The following FRMPD1 variants were observed in gnomAD, a reference collection of about 807,000 sequenced individuals.
The protein encoded by FRMPD1 is FERM and PDZ domain-containing protein 1.
In FRMPD1, 76 loss-of-function variants were observed where a neutral mutation model predicts 117.8. The ratio of observed to expected loss-of-function variants is 0.65; its 90% confidence interval spans 0.54 to 0.78. The LOEUF (loss-of-function observed/expected upper bound fraction) is 0.78, where lower values mean the gene tolerates loss of function less well. Ranked by LOEUF, FRMPD1 falls within the 30% of genes least tolerant of loss-of-function variation. FRMPD1 has a pLI of 0.00. For missense variants in FRMPD1, 1,786 were observed against 1,964.5 expected (o/e 0.91, Z 1.72); for synonymous variants, 783 against 770.4 (o/e 1.02, Z -0.27).
intron 5 of FRMPD1, among the ~76,000 whole-genome samples, chr9:37,712,066 T>TA (rs1822927959): frequency 6.6e-6 from 1 of 152,138 alleles, no homozygotes; most frequent in Non-Finnish European, 1.5e-5. Context: ...TAGACCAAAA[T>TA]AAAAAAGAGG....
chr9:37,677,393 T>C (rs1821567850), intron 1 of FRMPD1, among the ~76,000 whole-genome samples: 1 of 152,354 alleles, frequency 6.6e-6, no homozygotes, highest in African/African-American at 2.4e-5. Flanking sequence ...AGCAGCTTCA[T>C]ATGGGCTAGA....
intron 1 of FRMPD1, among the ~76,000 whole-genome samples, chr9:37,651,374 G>T (rs1172474919): frequency 3.9e-5 from 6 of 152,238 alleles, no homozygotes; most frequent in Admixed American, 3.3e-4. Context: ...CAACGCGGGA[G>T]GGGGAGAGAC....
At position 37,666,352 on chromosome 9, in the gene FRMPD1, C is replaced by T. The variant is rs138250469; in HGVS notation, c.-5+15258C>T. ...AGTGAAATGTAAATGTCCTTAGTCCCACACTTAAGGCCTTTGGTGATCTGG... is the reference window on the plus strand; with the variant it reads ...AGTGAAATGTAAATGTCCTTAGTCCTACACTTAAGGCCTTTGGTGATCTGG... On this transcript the variant is annotated intron_variant, in intron 1 of 15. Transcript: ENST00000377765. 4.1e-4 allele frequency among the ~76,000 whole-genome samples: 62 copies of T among 152,268 alleles called. No homozygotes were observed. In the East Asian group the frequency reaches 0.011, roughly 27 times the overall value.
the FRMPD1 span, among the ~76,000 whole-genome samples, chr9:37,618,672 A>AG: frequency 6.6e-6 from 1 of 152,110 alleles, no homozygotes; most frequent in Non-Finnish European, 1.5e-5. Flanking sequence ...CCCTGACCAT[A>AG]TACCCTATAT....
At chr9:37,699,272 C>T (rs1458412401) in intron 2 of FRMPD1, among the ~76,000 whole-genome samples, 2 of 151,434 alleles carry the variant, frequency 1.3e-5, no homozygotes, top group Admixed American at 1.3e-4. Context: ...TTTTATTATA[C>T]TATTAAAACA....
intron 12 of FRMPD1, among the ~76,000 whole-genome samples, chr9:37,735,038 G>A (rs1824056803): frequency 6.6e-6 from 1 of 152,218 alleles, no homozygotes; most frequent in Non-Finnish European, 1.5e-5. Context: ...TGCAGACTCT[G>A]TTGTCAAGAA....
chr9:37,738,096 A>G (rs1009544030), intron 14 of FRMPD1, among the ~76,000 whole-genome samples: 1 of 152,198 alleles, frequency 6.6e-6, no homozygotes, highest in Non-Finnish European at 1.5e-5. Flanking sequence ...GCAGAGGGAC[A>G]AAAACAGTTT....
intron 2 of FRMPD1, among the ~76,000 whole-genome samples, chr9:37,696,720 C>T (rs999438503): frequency 6.6e-6 from 1 of 152,168 alleles, no homozygotes; most frequent in Non-Finnish European, 1.5e-5. Flanking sequence ...ATTGAAATGT[C>T]CTCTATAGTG....
chr9:37,745,205 C>T lies in FRMPD1; in HGVS notation c.3173C>T (p.Ser1058Phe), dbSNP rs1311566126. Reference sequence around the variant, plus strand: ...GTCCAGTTGGAAATGGGATTGGAATCTTTTTGTACAAATCATATACAAGAA... The same window carrying T: ...GTCCAGTTGGAAATGGGATTGGAATTTTTTTGTACAAATCATATACAAGAA... ...PHVQLEMGLE[S>F]FCTNHIQETA... is the part of the protein sequence containing the mutation. The change falls in exon 16 of 16, where the codon TCT (serine) becomes TTT (phenylalanine). Residue 1058 changes from serine to phenylalanine, a missense_variant. Coordinates refer to ENST00000377765, the MANE Select transcript of FRMPD1 (RefSeq NM_014907.3). 1 of 1,613,498 alleles carries T rather than the reference C, an allele frequency of 6.2e-7. No homozygotes were observed. The highest frequency in any genetic ancestry group is 2.2e-5 in the East Asian group (1 of 44,894).
At chr9:37,687,465 A>G (rs1821989864) in intron 1 of FRMPD1, among the ~76,000 whole-genome samples, 1 of 152,240 alleles carries the variant, frequency 6.6e-6, no homozygotes, top group Admixed American at 6.5e-5. Flanking sequence ...GACCAAGTTA[A>G]TATCAATATC....
In FRMPD1 at chr9:37,731,138, T is replaced by C. The variant is rs1028256435; in HGVS notation, c.858+35T>C. 14 of 1,605,958 alleles carry C rather than the reference T, an allele frequency of 8.7e-6. No individual in the cohort carries two copies. The East Asian group carries it at 2.9e-4, about 33-fold the overall frequency. On this transcript the variant is annotated intron_variant, in intron 9 of 15. Coordinates refer to ENST00000377765, the MANE Select transcript of FRMPD1 (RefSeq NM_014907.3). ...TCTGTGCTTCCTAAAATAACAGTGGTTGTTCTCAAAGATGGTGCACTGGGT... is the reference window on the plus strand; with the variant it reads ...TCTGTGCTTCCTAAAATAACAGTGGCTGTTCTCAAAGATGGTGCACTGGGT...
chr9:37,739,578 C>T (rs1041999689), intron 14 of FRMPD1, among the ~76,000 whole-genome samples: 16 of 152,248 alleles, frequency 1.1e-4, no homozygotes, highest in Non-Finnish European at 2.1e-4. Flanking sequence ...CTAGCAGCCT[C>T]GTACTCGTCA....
intron 1 of FRMPD1, among the ~76,000 whole-genome samples, chr9:37,685,988 C>T (rs570943727): frequency 1.3e-5 from 2 of 152,320 alleles, no homozygotes; most frequent in South Asian, 2.1e-4. Flanking sequence ...AAATAGCTAT[C>T]ACCTTGACAT....
chr9:37,743,310 G>T (rs1824509284), intron 15 of FRMPD1, among the ~76,000 whole-genome samples: 1 of 152,100 alleles, frequency 6.6e-6, no homozygotes, highest in South Asian at 2.1e-4. Flanking sequence ...CCTTTAACCT[G>T]CACGGCAGCA....
intron 2 of FRMPD1, among the ~76,000 whole-genome samples, chr9:37,698,604 C>CAGGCTGG (rs1000107614): frequency 7.6e-6 from 1 of 132,124 alleles, no homozygotes; most frequent in Non-Finnish European, 1.5e-5. Flanking sequence ...CTCTGTTGCC[C>CAGGCTGG]AGGCTGGAGT....
At chr9:37,630,408 G>T in the FRMPD1 span, among the ~76,000 whole-genome samples, 1 of 151,986 alleles carries the variant, frequency 6.6e-6, no homozygotes, top group East Asian at 1.9e-4. Context: ...ATGAGACAGG[G>T]TTTCGCTCTG....
intron 6 of FRMPD1, among the ~76,000 whole-genome samples, chr9:37,720,564 G>A (rs1475394305): frequency 2.0e-5 from 3 of 152,206 alleles, no homozygotes; most frequent in African/African-American, 7.2e-5. Context: ...AGCTACTTGG[G>A]AGGCTGAGGC....
intron 2 of FRMPD1, 32 bp downstream of exon 2, chr9:37,692,774 A>G (rs780120711): frequency 6.1e-6 from 9 of 1,484,790 alleles, no homozygotes; most frequent in African/African-American, 1.4e-5. Flanking sequence ...ATTTCTGTCT[A>G]TAAAGGTCTG....
At chr9:37,648,813 C>G (rs1305533608), upstream of FRMPD1, among the ~76,000 whole-genome samples, 1 of 152,036 alleles carries the variant, frequency 6.6e-6, no homozygotes, top group African/African-American at 2.4e-5. Context: ...TTGGTTTTGG[C>G]TGTGTTGAGA....
Sources: allele counts gnomAD v4.1 joint callset (sites outside exome capture counted in the v4.1 genomes callset), GRCh38; gene constraint gnomAD v4.1.1; transcripts MANE v1.5; gene names NCBI Gene and HGNC (gene_info 2026-07-23, HGNC 2026-07-21).